Variants in GNB5 observed in about 807,000 individuals in gnomAD.
GNB5 encodes G protein subunit beta 5, also known as guanine nucleotide-binding protein subunit beta-5.
GNB5 carries 37 observed loss-of-function variants against 55.3 expected under a neutral mutation model. The ratio of observed to expected loss-of-function variants is 0.67; its 90% confidence interval spans 0.51 to 0.88. The LOEUF is 0.88. GNB5 is among the 40% of genes least tolerant of loss of function. GNB5 has a pLI of 0.00. For synonymous variants in GNB5, 219 were observed against 198.5 expected, an observed-to-expected ratio of 1.10 and a Z score of -0.87; for missense variants, 476 against 515.3, an observed-to-expected ratio of 0.92 and a Z score of 0.74.
Position 52,115,629 on chromosome 15 carries a change from T to C in GNB5, c.*7128A>G, listed in dbSNP as rs1019510392. 3 of 152,272 alleles carry C rather than the reference T, an allele frequency of 2.0e-5. No individual in the cohort carries two copies. The highest frequency in any genetic ancestry group is 2.0e-4 in the Admixed American group (3 of 15,292). The allele number at this position is 152,272 out of a possible 1,614,324, so 9.4% of individuals were successfully genotyped here. On this transcript the variant is annotated 3_prime_UTR_variant, in exon 13 of 13. Coordinates refer to ENST00000261837, the MANE Select transcript of GNB5 (RefSeq NM_016194.4). ...AAAATGTGACAATATTGGTCTTACCTATGTGGTTTCTGTTTTATTGAGAAT... is the reference window on the plus strand; with the variant it reads ...AAAATGTGACAATATTGGTCTTACCCATGTGGTTTCTGTTTTATTGAGAAT...
intron 2 of GNB5, among the ~76,000 whole-genome samples, chr15:52,184,141 G>GA (rs2034812141): frequency 6.6e-6 from 1 of 152,120 alleles, no homozygotes; most frequent in Non-Finnish European, 1.5e-5. Flanking sequence ...GAAGTCAGAA[G>GA]AAAAAAGTAT....
intron 3 of GNB5, among the ~76,000 whole-genome samples, chr15:52,161,065 C>T (rs2034321353): frequency 1.3e-5 from 2 of 152,134 alleles, no homozygotes; most frequent in Non-Finnish European, 2.9e-5. Flanking sequence ...GAGTGCTTTA[C>T]ACAACAGCCT....
chr15:52,129,341 C>T (rs142659484), intron 9 of GNB5, among the ~76,000 whole-genome samples: 1 of 152,150 alleles, frequency 6.6e-6, no homozygotes, highest in East Asian at 1.9e-4. Context: ...ATTATTTATT[C>T]CTCCTACCAG....
At chr15:52,159,391 TGCCGCACCAC>T (rs1240728605) in intron 3 of GNB5, among the ~76,000 whole-genome samples, 2 of 152,178 alleles carry the variant, frequency 1.3e-5, no homozygotes, top group Non-Finnish European at 2.9e-5. Context: ...ACACACCATC[TGCCGCACCAC>T]GCTTCTTTGT....
chr15:52,136,170 A>AC (rs1566935792), intron 7 of GNB5, among the ~76,000 whole-genome samples: 5 of 114,464 alleles, frequency 4.4e-5, no homozygotes, highest in East Asian at 2.3e-4. Context: ...ACACACACAC[A>AC]CACCCTACCT....
intron 3 of GNB5, among the ~76,000 whole-genome samples, chr15:52,172,539 G>A (rs139800420): frequency 0.049 from 7,503 of 152,060 alleles, 235 homozygotes; most frequent in African/African-American, 0.087. Context: ...CAGCACTTTG[G>A]GAGGCAGAGG....
Position 52,118,891 on chromosome 15 carries a change from G to C in GNB5, c.*3866C>G, listed in dbSNP as rs1245230381. On this transcript the variant is annotated 3_prime_UTR_variant, in exon 13 of 13. Transcript: ENST00000261837. ...ACGTAAAAAAAAAAAAAAAAAAAAA[G>C]TGTACAGAGATCCTAAGACCAAAAA... 3 of 107,286 alleles carry C rather than the reference G, an allele frequency of 2.8e-5. No homozygotes were observed. The highest frequency in any genetic ancestry group is 1.2e-4 in the African/African-American group (3 of 24,426). The allele number at this position is 107,286 out of a possible 1,614,324, so 6.6% of individuals were successfully genotyped here.
At position 52,125,839 on chromosome 15, in the gene GNB5, G is replaced by T. The variant is rs1313824563; in HGVS notation, c.1009+109C>A. On this transcript the variant is annotated intron_variant, in intron 11 of 12. Transcript: ENST00000261837. ...CAAATATGGATGATTTCGCATACTG[G>T]TCCACAGGAAGCTCAGTTGATGAAA... 5.1e-5 allele frequency: 33 copies of T among 642,022 alleles called. No homozygotes were observed. The East Asian group carries it at 9.1e-4, about 18-fold the overall frequency. 39.8% of individuals were successfully genotyped at this position (642,022 alleles called of 1,614,324 possible). A position where few individuals can be genotyped will look rare whatever the true frequency, so the allele number is the denominator to read the frequency against.
At chr15:52,151,334 C>T (rs2034091300) in intron 4 of GNB5, among the ~76,000 whole-genome samples, 1 of 152,196 alleles carries the variant, frequency 6.6e-6, no homozygotes, top group South Asian at 2.1e-4. Flanking sequence ...GCCTGTCCCC[C>T]ATGTGTGCTC....
rs1019855085 is a variant in GNB5, at chr15:52,115,907, A to G, written c.*6850T>C. On this transcript the variant is annotated 3_prime_UTR_variant, in exon 13 of 13. Coordinates refer to ENST00000261837, the MANE Select transcript of GNB5 (RefSeq NM_016194.4). ...ATGAGTTTGCTTATTAGGACCTTTC[A>G]TATACATGGAATCCTACAACATGTG... 3.9e-5 allele frequency: 6 copies of G among 152,154 alleles called. No homozygotes were observed. Among genetic ancestry groups the G allele is most frequent in the Non-Finnish European group, 7.4e-5 (5 of 68,026 alleles). The allele number at this position is 152,154 out of a possible 1,614,324, so 9.4% of individuals were successfully genotyped here.
chr15:52,124,984 A>G (rs1395351770), intron 11 of GNB5, among the ~76,000 whole-genome samples: 1 of 152,184 alleles, frequency 6.6e-6, no homozygotes, highest in Non-Finnish European at 1.5e-5. Flanking sequence ...CAACTTGTAA[A>G]ACTTGTTTAA....
rs1179893911 is a variant in GNB5, at chr15:52,122,327, A to G, written c.*430T>C. 2.5e-5 allele frequency: 4 copies of G among 159,818 alleles called. No homozygotes were observed. The highest frequency in any genetic ancestry group is 4.0e-4 in the South Asian group (2 of 4,992). 9.9% of individuals were successfully genotyped at this position (159,818 alleles called of 1,614,324 possible). On this transcript the variant is annotated 3_prime_UTR_variant, in exon 13 of 13. Coordinates refer to ENST00000261837, the MANE Select transcript of GNB5 (RefSeq NM_016194.4). ...TCACCAGTCCTCAGTCCATAAAATC[A>G]GCACTTCCAGAGGAAGGTTCCAGGC...
rs369321298 is a variant in GNB5, at chr15:52,141,123, G to C, written c.627+17C>G. On this transcript the variant is annotated intron_variant, in intron 7 of 12. Transcript: ENST00000261837. ...CTCCTTGGCAGGTCAACCTGACACC[G>C]GGGGCTGCCTATTTACCTGCATGTC... 28 of 1,610,920 alleles carry C rather than the reference G, an allele frequency of 1.7e-5. No homozygotes were observed. The highest frequency in any genetic ancestry group is 2.2e-5 in the Non-Finnish European group (26 of 1,177,396).
intron 8 of GNB5, among the ~76,000 whole-genome samples, chr15:52,134,466 C>A (rs539299754): frequency 6.6e-6 from 1 of 152,168 alleles, no homozygotes; most frequent in Non-Finnish European, 1.5e-5. Context: ...AAGGCCTTCA[C>A]ATCTTTAGAG....
intron 3 of GNB5, among the ~76,000 whole-genome samples, chr15:52,174,102 G>GGTGGCC (rs896616477): frequency 9.2e-5 from 14 of 152,256 alleles, no homozygotes; most frequent in African/African-American, 3.1e-4. Context: ...CAGAGAGAGA[G>GGTGGCC]GTGACCACAG....
At chr15:52,169,317 A>G (rs1371634340) in intron 3 of GNB5, among the ~76,000 whole-genome samples, 1 of 150,476 alleles carries the variant, frequency 6.6e-6, no homozygotes, top group Non-Finnish European at 1.5e-5. Context: ...CAGGCAGATC[A>G]CCTGAAGTCA....
chr15:52,187,116 C>A (rs1304331400), intron 1 of GNB5, among the ~76,000 whole-genome samples: 1 of 152,150 alleles, frequency 6.6e-6, no homozygotes, highest in African/African-American at 2.4e-5. Flanking sequence ...CTAGCATGGT[C>A]AAGCTGCATG....
At chr15:52,190,646 T>C (rs1296556544) in intron 1 of GNB5, among the ~76,000 whole-genome samples, 1 of 152,098 alleles carries the variant, frequency 6.6e-6, no homozygotes, top group Non-Finnish European at 1.5e-5. Flanking sequence ...TCTCTGCTAG[T>C]GGGAGTATAA....
chr15:52,138,097 T>A (rs796701583), intron 7 of GNB5, among the ~76,000 whole-genome samples: 4 of 152,158 alleles, frequency 2.6e-5, no homozygotes, highest in South Asian at 4.1e-4. Flanking sequence ...CTCTTATATG[T>A]TAGGCCTTGA....
Sources: allele counts gnomAD v4.1 joint callset (sites outside exome capture counted in the v4.1 genomes callset), GRCh38; gene constraint gnomAD v4.1.1; transcripts MANE v1.5; gene names NCBI Gene and HGNC (gene_info 2026-07-23, HGNC 2026-07-21).